The following USP9X variants were observed in gnomAD, a reference collection of about 807,000 sequenced individuals.
The protein encoded by USP9X is ubiquitin specific peptidase 9 X-linked.
A neutral mutation model predicts 190.3 loss-of-function variants in USP9X; 7 were observed. The observed-to-expected ratio is 0.04, with a 90% CI of 0.02 to 0.07. The LOEUF (loss-of-function observed/expected upper bound fraction) is 0.07, where lower values mean the gene tolerates loss of function less well. USP9X is among the 10% of genes least tolerant of loss of function. USP9X has a pLI of 1.00. For synonymous variants in USP9X, 645 were observed against 659.5 expected, an observed-to-expected ratio of 0.98 and a Z score of 0.34; for missense variants, 1,010 against 1,916.9, an observed-to-expected ratio of 0.53 and a Z score of 8.83.
Position 41,229,794 on chromosome X carries a change from C to T in USP9X, c.7431+15C>T. The T allele has an allele frequency of 1.7e-6, 2 of 1,211,313 alleles. No homozygotes were observed. Among genetic ancestry groups the T allele is most frequent in the Non-Finnish European group, 2.2e-6 (2 of 895,357 alleles). ...GTCCAGAGGAGGTAAAAAAAGCCAC[C>T]AGTGTGCAGCAGATAGAAATGGAAG... On this transcript the variant is annotated intron_variant, in intron 43 of 44. Coordinates refer to ENST00000378308, the MANE Select transcript of USP9X (RefSeq NM_001039591.3).
In USP9X at chrX:41,189,363, T is replaced by C. The variant is rs1359552375; in HGVS notation, c.3865T>C (p.Leu1289=). 1 of 1,211,676 alleles carries C rather than the reference T, an allele frequency of 8.3e-7. No homozygotes were observed. Among genetic ancestry groups the C allele is most frequent in the Admixed American group, 2.2e-5 (1 of 46,096 alleles). ...AGACGAACAGGTTTGCTGTGAAGCATTGGAAGTGATGACCTTATGTTTTGC... is the reference window on the plus strand; with the variant it reads ...AGACGAACAGGTTTGCTGTGAAGCACTGGAAGTGATGACCTTATGTTTTGC... ...LEDEQVCCEA[L]EVMTLCFALI... Residue 1289 remains leucine (L), a synonymous_variant, in exon 26 of 45, where the codon TTG becomes CTG. Coordinates refer to ENST00000378308, the MANE Select transcript of USP9X (RefSeq NM_001039591.3).
intron 1 of USP9X, among the ~76,000 whole-genome samples, chrX:41,100,386 A>G (rs889133854): frequency 2.7e-5 from 3 of 112,286 alleles, no homozygotes; most frequent in African/African-American, 9.7e-5. Context: ...TTGTACACCT[A>G]GTTAAGTGGT....
In USP9X at chrX:41,197,355, C is replaced by CT; in HGVS notation, c.4234-6dup. On this transcript the variant is annotated splice_polypyrimidine_tract_variant and intron_variant, in intron 28 of 44. Transcript: ENST00000378308. ...TTCCCCCCCCCACCCCACCCCCCGC[C>CT]TTTGGCAGGATGATGTTAAAAGAAC... 4.1e-6 allele frequency: 4 copies of CT among 981,929 alleles called. No homozygotes were observed. Among genetic ancestry groups the CT allele is most frequent in the South Asian group, 3.1e-5 (1 of 32,483 alleles). The allele number at this position is 981,929 out of a possible 1,213,427, so 80.9% of individuals were successfully genotyped here. A position where few individuals can be genotyped will look rare whatever the true frequency, so the allele number is the denominator to read the frequency against.
chrX:41,109,550 A>T lies in USP9X; in HGVS notation c.-158-13921A>T, dbSNP rs1402245522. Among the ~76,000 whole-genome samples, 3 of 112,413 alleles carry T rather than the reference A, an allele frequency of 2.7e-5. No homozygotes were observed. The Admixed American group carries it at 2.8e-4, about 11-fold the overall frequency. On this transcript the variant is annotated intron_variant, in intron 1 of 44. Transcript: ENST00000378308. ...GGATGCAGTTCTGTTGCAGTGACTTATAGGAAGTAGCCATGGATGTACACA... is the reference window on the plus strand; with the variant it reads ...GGATGCAGTTCTGTTGCAGTGACTTTTAGGAAGTAGCCATGGATGTACACA...
chrX:41,162,360 G>A (rs912321756), intron 14 of USP9X, among the ~76,000 whole-genome samples: 1 of 111,618 alleles, frequency 9.0e-6, no homozygotes, highest in Non-Finnish European at 1.9e-5. Flanking sequence ...CACTTCTTAG[G>A]TGTAAATTAG....
chrX:41,173,735 A>G (rs1179436493), intron 21 of USP9X, among the ~76,000 whole-genome samples: 1 of 112,275 alleles, frequency 8.9e-6, no homozygotes, highest in Non-Finnish European at 1.9e-5. Context: ...TTCTGGATCT[A>G]TGGATTCAAC....
chrX:41,182,161 C>T (rs924258580), intron 21 of USP9X, among the ~76,000 whole-genome samples: 1 of 111,641 alleles, frequency 9.0e-6, no homozygotes, highest in African/African-American at 3.3e-5. Context: ...GCTTGAGCCC[C>T]TGGAGTTTGA....
Position 41,217,406 on chromosome X carries a change from G to A in USP9X, c.6209+63G>A, listed in dbSNP as rs776392411. ...GTTTGGTTTGCTTCTTTAATAGATTGCTTTATGTTTTTCTAAACCAAGAGA... is the reference window on the plus strand; with the variant it reads ...GTTTGGTTTGCTTCTTTAATAGATTACTTTATGTTTTTCTAAACCAAGAGA... On this transcript the variant is annotated intron_variant, in intron 36 of 44. Transcript: ENST00000378308. The A allele has an allele frequency of 2.1e-3, 2,259 of 1,074,628 alleles. 7 individuals carry two copies. Among genetic ancestry groups the A allele is most frequent in the Middle Eastern group, 6.8e-3 (26 of 3,837 alleles). The allele number at this position is 1,074,628 out of a possible 1,213,427, so 88.6% of individuals were successfully genotyped here.
chrX:41,211,789 A>T (rs2063161767), intron 33 of USP9X, among the ~76,000 whole-genome samples: 1 of 106,006 alleles, frequency 9.4e-6, no homozygotes, highest in South Asian at 4.3e-4. Flanking sequence ...CCCTACTGGG[A>T]AGTGAGGAGC....
At chrX:41,175,119 A>G (rs1459313661) in intron 21 of USP9X, among the ~76,000 whole-genome samples, 1 of 112,508 alleles carries the variant, frequency 8.9e-6, no homozygotes, top group Non-Finnish European at 1.9e-5. Context: ...ATTTATCTTG[A>G]TGCTGAAATG....
At chrX:41,205,631 G>A in intron 32 of USP9X, 138 bp downstream of exon 32, 1 of 477,872 alleles carries the variant, frequency 2.1e-6, no homozygotes, top group South Asian at 9.0e-5. Context: ...TTAATTGGGT[G>A]GGTTTTTTTT....
intron 1 of USP9X, among the ~76,000 whole-genome samples, chrX:41,093,018 C>T (rs1050950610): frequency 9.0e-6 from 1 of 110,929 alleles, no homozygotes; most frequent in African/African-American, 3.3e-5. Flanking sequence ...GACCACAGGC[C>T]GACATCACCT....
Position 41,197,355 on chromosome X carries a change from CTT to C in USP9X, c.4234-7_4234-6del. The C allele has an allele frequency of 2.0e-6, 2 of 981,920 alleles. No homozygotes were observed. Among genetic ancestry groups the C allele is most frequent in the South Asian group, 3.1e-5 (1 of 32,483 alleles). 80.9% of individuals were successfully genotyped at this position (981,920 alleles called of 1,213,427 possible). A position where few individuals can be genotyped will look rare whatever the true frequency, so the allele number is the denominator to read the frequency against. On this transcript the variant is annotated splice_polypyrimidine_tract_variant and splice_region_variant and intron_variant, in intron 28 of 44. Transcript: ENST00000378308. ...TTCCCCCCCCCACCCCACCCCCCGCCTTTGGCAGGATGATGTTAAAAGAACAG... is the reference window on the plus strand; with the variant it reads ...TTCCCCCCCCCACCCCACCCCCCGCCTGGCAGGATGATGTTAAAAGAACAG...
intron 10 of USP9X, 115 bp downstream of exon 10, chrX:41,143,558 C>T (rs1023844857): frequency 8.7e-6 from 5 of 575,026 alleles, no homozygotes; most frequent in South Asian, 8.5e-5. Flanking sequence ...ACTTTGAGAA[C>T]GTTTAAATGC....
chrX:41,211,816 C>G (rs1179120244), intron 33 of USP9X, among the ~76,000 whole-genome samples: 1 of 105,849 alleles, frequency 9.4e-6, no homozygotes, highest in East Asian at 3.1e-4. Flanking sequence ...GCCCGGACAG[C>G]CGCCCCGTCC....
At chrX:41,231,957 C>T (rs939019744) in intron 44 of USP9X, among the ~76,000 whole-genome samples, 3 of 111,436 alleles carry the variant, frequency 2.7e-5, no homozygotes, top group African/African-American at 9.8e-5. Context: ...ATTGTGAGTT[C>T]AGGGTTACTG....
intron 1 of USP9X, among the ~76,000 whole-genome samples, chrX:41,106,361 T>G (rs139224096): frequency 0.014 from 1,543 of 110,917 alleles, 29 homozygotes; most frequent in African/African-American, 0.048. Context: ...ATTATACACA[T>G]GTTGTGTTAC....
intron 41 of USP9X, among the ~76,000 whole-genome samples, chrX:41,226,203 T>G (rs894723462): frequency 8.9e-6 from 1 of 112,269 alleles, no homozygotes; most frequent in African/African-American, 3.2e-5. Flanking sequence ...TATGAGAACT[T>G]TTAGAATGTT....
chrX:41,197,334 C>A, intron 28 of USP9X, 30 bp from the exon 29 acceptor site: 3 of 275,754 alleles, frequency 1.1e-5, no homozygotes, highest in Non-Finnish European at 1.1e-5. Flanking sequence ...GATTTCTTCC[C>A]CCCCCCACCC....
Sources: gnomAD v4.1 joint callset for allele counts (sites outside exome capture counted in the v4.1 genomes callset) on GRCh38, gnomAD v4.1.1 for gene constraint, MANE v1.5 for transcripts, NCBI Gene and HGNC (gene_info 2026-07-23, HGNC 2026-07-21) for gene names.